The following PCSK2 variants were observed in gnomAD, a reference collection of about 807,000 sequenced individuals.
PCSK2 encodes the protein proprotein convertase subtilisin/kexin type 2.
A neutral mutation model predicts 69.7 loss-of-function variants in PCSK2; 14 were observed. That is an observed-to-expected ratio of 0.20 (90% confidence interval 0.13 to 0.31). PCSK2 has a LOEUF of 0.31. PCSK2 is among the 10% of genes least tolerant of loss of function. The pLI, the probability that PCSK2 is intolerant of heterozygous loss-of-function variation, is 1.00. For missense variants in PCSK2, 544 were observed against 842.5 expected (o/e 0.65, Z 4.39); for synonymous variants, 307 against 320.7 (o/e 0.96, Z 0.46).
At chr20:17,392,315 T>C (rs1036202872) in intron 5 of PCSK2, among the ~76,000 whole-genome samples, 1 of 152,204 alleles carries the variant, frequency 6.6e-6, no homozygotes, top group African/African-American at 2.4e-5. Flanking sequence ...GAAACAGTTC[T>C]TTTGAATAGG....
chr20:17,354,117 G>A (rs2085806281), intron 2 of PCSK2, among the ~76,000 whole-genome samples: 1 of 152,072 alleles, frequency 6.6e-6, no homozygotes. Context: ...ATATCCATGT[G>A]CCCCCTGAAT....
intron 1 of PCSK2, among the ~76,000 whole-genome samples, chr20:17,237,945 G>A (rs1425214640): frequency 6.6e-6 from 1 of 152,196 alleles, no homozygotes; most frequent in Non-Finnish European, 1.5e-5. Flanking sequence ...ATTAATGATT[G>A]AGAGTTACTC....
At chr20:17,347,405 ACTAGAATAT>A (rs1003861333) in intron 2 of PCSK2, among the ~76,000 whole-genome samples, 6 of 152,116 alleles carry the variant, frequency 3.9e-5, no homozygotes, top group Non-Finnish European at 7.4e-5. Flanking sequence ...AAGCAGATGA[ACTAGAATAT>A]CTGAGCCCCT....
intron 2 of PCSK2, among the ~76,000 whole-genome samples, chr20:17,268,808 T>A (rs1298384752): frequency 6.6e-6 from 1 of 152,172 alleles, no homozygotes; most frequent in African/African-American, 2.4e-5. Context: ...TGCAAGGCGA[T>A]TGCAATATTT....
At chr20:17,239,162 C>T (rs956970294) in intron 1 of PCSK2, among the ~76,000 whole-genome samples, 4 of 152,122 alleles carry the variant, frequency 2.6e-5, no homozygotes, top group Non-Finnish European at 5.9e-5. Context: ...ATAAGGTGAC[C>T]CACAAATCCT....
rs867534365 is a variant in PCSK2 at position 17,483,643 on chromosome 20, C to A, written c.*1573C>A. 6.6e-6 allele frequency: 1 copy of A among 152,296 alleles called. No individual in the cohort carries two copies. The highest frequency in any genetic ancestry group is 6.5e-5 in the Admixed American group (1 of 15,268). The allele number at this position is 152,296 out of a possible 1,614,324, so 9.4% of individuals were successfully genotyped here. A position where few individuals can be genotyped will look rare whatever the true frequency, so the allele number is the denominator to read the frequency against. On this transcript the variant is annotated 3_prime_UTR_variant, in exon 12 of 12. Transcript: ENST00000262545. ...CACTTTAAGAGAGAAATCTGAAAAC[C>A]CCATTTGCTTTCTTTTCTCCCATAT...
At chr20:17,419,857 T>C (rs924573579) in intron 6 of PCSK2, among the ~76,000 whole-genome samples, 2 of 152,244 alleles carry the variant, frequency 1.3e-5, no homozygotes, top group Non-Finnish European at 2.9e-5. Flanking sequence ...ATGTCATCCC[T>C]GCCATTGACG....
chr20:17,389,570 G>A (rs928920344), intron 5 of PCSK2, among the ~76,000 whole-genome samples: 1 of 152,198 alleles, frequency 6.6e-6, no homozygotes, highest in African/African-American at 2.4e-5. Flanking sequence ...AGACTTTGCA[G>A]CTTCAGGGAC....
intron 1 of PCSK2, among the ~76,000 whole-genome samples, chr20:17,235,338 G>A (rs548925763): frequency 6.6e-6 from 1 of 152,236 alleles, no homozygotes; most frequent in South Asian, 2.1e-4. Flanking sequence ...CAAGAATGGG[G>A]AGAAAACTGT....
intron 2 of PCSK2, among the ~76,000 whole-genome samples, chr20:17,313,775 G>T (rs886226827): frequency 4.6e-5 from 7 of 152,130 alleles, no homozygotes; most frequent in African/African-American, 1.7e-4. Flanking sequence ...CATGAATGTT[G>T]AGGCTGACAG....
intron 2 of PCSK2, among the ~76,000 whole-genome samples, chr20:17,357,744 A>C (rs2123208585): frequency 6.6e-6 from 1 of 152,126 alleles, no homozygotes; most frequent in East Asian, 1.9e-4. Context: ...AAAATACAAA[A>C]TTAGCTGGGT....
chr20:17,259,199 T>G (rs1203884584), intron 1 of PCSK2, among the ~76,000 whole-genome samples: 1 of 152,102 alleles, frequency 6.6e-6, no homozygotes, highest in Non-Finnish European at 1.5e-5. Flanking sequence ...ATACTTTGAG[T>G]AGTGGAATGC....
chr20:17,282,448 C>T (rs992511007), intron 2 of PCSK2, among the ~76,000 whole-genome samples: 3 of 152,056 alleles, frequency 2.0e-5, no homozygotes, highest in African/African-American at 7.2e-5. Flanking sequence ...TTGTTTTTGA[C>T]CCAAATGTTC....
intron 6 of PCSK2, among the ~76,000 whole-genome samples, chr20:17,427,480 C>T (rs1414401909): frequency 6.6e-6 from 1 of 152,186 alleles, no homozygotes; most frequent in Non-Finnish European, 1.5e-5. Context: ...AATACAGTCA[C>T]CCTGACAGTC....
At chr20:17,422,093 A>G (rs1194366695) in intron 6 of PCSK2, among the ~76,000 whole-genome samples, 1 of 152,186 alleles carries the variant, frequency 6.6e-6, no homozygotes, top group Non-Finnish European at 1.5e-5. Context: ...AAGCATGGAC[A>G]TGAAAAGAAC....
chr20:17,434,260 A>G (rs1024376690), intron 7 of PCSK2, among the ~76,000 whole-genome samples: 3 of 147,536 alleles, frequency 2.0e-5, no homozygotes, highest in Non-Finnish European at 1.5e-5. Flanking sequence ...CCTCTCTCTC[A>G]CTCGGTCTAC....
chr20:17,448,447 A>C (rs540286253), intron 8 of PCSK2, among the ~76,000 whole-genome samples: 2 of 152,336 alleles, frequency 1.3e-5, no homozygotes, highest in East Asian at 3.9e-4. Context: ...GAGCAAAATA[A>C]AAAAATTGCT....
intron 2 of PCSK2, among the ~76,000 whole-genome samples, chr20:17,272,525 A>T (rs977619565): frequency 6.6e-6 from 1 of 152,060 alleles, no homozygotes; most frequent in South Asian, 2.1e-4. Context: ...GTTCATTCTG[A>T]CCTGTCAAGA....
chr20:17,373,639 C>T (rs2030839949), intron 5 of PCSK2, among the ~76,000 whole-genome samples: 1 of 152,154 alleles, frequency 6.6e-6, no homozygotes, highest in Admixed American at 6.5e-5. Flanking sequence ...AAACTCTACC[C>T]AAGGCTCCTC....
Sources: gnomAD v4.1 joint callset for allele counts (sites outside exome capture counted in the v4.1 genomes callset) on GRCh38, gnomAD v4.1.1 for gene constraint, MANE v1.5 for transcripts, NCBI Gene and HGNC (gene_info 2026-07-23, HGNC 2026-07-21) for gene names.